Variants in KIF26B observed in about 807,000 individuals in gnomAD.
KIF26B encodes the protein kinesin-like protein KIF26B.
A neutral mutation model predicts 151.2 loss-of-function variants in KIF26B; 63 were observed. The ratio of observed to expected loss-of-function variants is 0.42; its 90% confidence interval spans 0.34 to 0.51. The LOEUF (loss-of-function observed/expected upper bound fraction) is 0.51, where lower values mean the gene tolerates loss of function less well. Among genes scored for constraint, KIF26B ranks in the 20% least tolerant of loss-of-function variants. The pLI, the probability that KIF26B is intolerant of heterozygous loss-of-function variation, is 0.07. For missense variants in KIF26B, 2,813 were observed against 2,913.6 expected (o/e 0.97, Z 0.79); for synonymous variants, 1,357 against 1,262.1 (o/e 1.08, Z -1.59).
intron 2 of KIF26B, among the ~76,000 whole-genome samples, chr1:245,282,662 G>T (rs74153169): frequency 6.6e-6 from 1 of 152,172 alleles, no homozygotes; most frequent in South Asian, 2.1e-4. Flanking sequence ...ATCAGACATC[G>T]CCTCCTCCAG....
At chr1:245,643,316 T>C (rs1314227746) in intron 9 of KIF26B, among the ~76,000 whole-genome samples, 1 of 152,226 alleles carries the variant, frequency 6.6e-6, no homozygotes, top group Non-Finnish European at 1.5e-5. Context: ...CTTTTGGATT[T>C]ATGAAACATT....
intron 5 of KIF26B, among the ~76,000 whole-genome samples, chr1:245,586,340 C>A (rs1292032576): frequency 6.6e-6 from 1 of 151,868 alleles, no homozygotes; most frequent in Non-Finnish European, 1.5e-5. Flanking sequence ...TCATAACACT[C>A]CAAATTGGAA....
rs146261085 is a variant in KIF26B, at chr1:245,655,036, T to C, written c.2258+8756T>C. Among the ~76,000 whole-genome samples the C allele has an allele frequency of 2.6e-3, 398 of 152,352 alleles. 1 individual carries two copies. Among genetic ancestry groups the C allele is most frequent in the African/African-American group, 9.0e-3 (375 of 41,586 alleles). Reference sequence around the variant, plus strand: ...TGGAATTTGTGAAGTTTCTTCAGACTGAGCTCCCAGAGAAGTATGTGTGGT... The same window carrying C: ...TGGAATTTGTGAAGTTTCTTCAGACCGAGCTCCCAGAGAAGTATGTGTGGT... On this transcript the variant is annotated intron_variant, in intron 10 of 14. Transcript: ENST00000407071.
intron 2 of KIF26B, among the ~76,000 whole-genome samples, chr1:245,356,979 A>C (rs1558401150): frequency 6.6e-6 from 1 of 152,230 alleles, no homozygotes; most frequent in Non-Finnish European, 1.5e-5. Flanking sequence ...TTTTCTGGGC[A>C]GGAGGAACAG....
chr1:245,424,711 T>C (rs1038898285), intron 4 of KIF26B, among the ~76,000 whole-genome samples: 1 of 152,212 alleles, frequency 6.6e-6, no homozygotes, highest in Non-Finnish European at 1.5e-5. Context: ...AATAATTTTC[T>C]GTCTGTTGAA....
intron 4 of KIF26B, among the ~76,000 whole-genome samples, chr1:245,487,105 G>T (rs563180809): frequency 2.0e-5 from 3 of 152,004 alleles, no homozygotes; most frequent in Admixed American, 6.6e-5. Context: ...AGAATGGGGG[G>T]GGTGGTTAGA....
At chr1:245,409,069 T>C (rs1167013922) in intron 3 of KIF26B, among the ~76,000 whole-genome samples, 7 of 152,192 alleles carry the variant, frequency 4.6e-5, no homozygotes, top group Admixed American at 2.0e-4. Flanking sequence ...TGTTTCATTA[T>C]ACACCCTGAC....
At position 245,167,540 on chromosome 1, in the gene KIF26B, T is replaced by C. The variant is rs150905923; in HGVS notation, c.465+10857T>C. ...TTCACACAAGAATGGGAGACTCACC[T>C]ATTAACTGATTAGAAGCCAGCAATA... On this transcript the variant is annotated intron_variant, in intron 2 of 14. Transcript: ENST00000407071. This position sits in a 1 kb window ranked among gnomAD's most constrained non-coding sequence, Gnocchi z 4.2. Among the ~76,000 whole-genome samples the C allele has an allele frequency of 0.03, 4,618 of 152,292 alleles. 106 individuals are homozygous for C. The highest frequency in any genetic ancestry group is 0.048 in the Middle Eastern group (14 of 294).
intron 2 of KIF26B, among the ~76,000 whole-genome samples, chr1:245,292,847 T>G (rs1037966946): frequency 1.3e-5 from 2 of 152,136 alleles, no homozygotes; most frequent in Non-Finnish European, 2.9e-5. Flanking sequence ...CAACACAGCT[T>G]CCTCCTAATG....
In KIF26B at chr1:245,564,361, C is replaced by A. The variant is rs1340977509; in HGVS notation, c.1350+23411C>A. ...ATGTTCTGGACTCTCTTCTACGACACGGAGACCTTTCCCGGAGCAGGAACG... is the reference window on the plus strand; with the variant it reads ...ATGTTCTGGACTCTCTTCTACGACAAGGAGACCTTTCCCGGAGCAGGAACG... On this transcript the variant is annotated intron_variant, in intron 5 of 14. Coordinates refer to ENST00000407071, the MANE Select transcript of KIF26B (RefSeq NM_018012.4). This position sits in a 1 kb window ranked among gnomAD's most constrained non-coding sequence, Gnocchi z 4.6. Among the ~76,000 whole-genome samples, 2 of 152,170 alleles carry A rather than the reference C, an allele frequency of 1.3e-5. No individual in the cohort carries two copies. The highest frequency in any genetic ancestry group is 2.9e-5 in the Non-Finnish European group (2 of 68,034).
intron 4 of KIF26B, among the ~76,000 whole-genome samples, chr1:245,494,660 A>G (rs1660476845): frequency 1.3e-5 from 2 of 152,242 alleles, no homozygotes; most frequent in East Asian, 3.8e-4. Flanking sequence ...ATTATCAGAC[A>G]TAAATTTCAA....
At chr1:245,459,389 TC>T (rs1327761845) in intron 4 of KIF26B, among the ~76,000 whole-genome samples, 1 of 152,200 alleles carries the variant, frequency 6.6e-6, no homozygotes, top group Non-Finnish European at 1.5e-5. Flanking sequence ...TCCTCTTCTA[TC>T]CCCACCCGAT....
Position 245,702,916 on chromosome 1 carries a change from A to T in KIF26B, c.*310A>T. 1 of 300,674 alleles carries T rather than the reference A, an allele frequency of 3.3e-6. No individual in the cohort carries two copies. The highest frequency in any genetic ancestry group is 6.1e-6 in the Non-Finnish European group (1 of 164,106). The allele number at this position is 300,674 out of a possible 1,614,324, so 18.6% of individuals were successfully genotyped here. On this transcript the variant is annotated 3_prime_UTR_variant, in exon 15 of 15. Coordinates refer to ENST00000407071, the MANE Select transcript of KIF26B (RefSeq NM_018012.4). The surrounding 1 kb of genome is among the most constrained non-coding windows in gnomAD (Gnocchi z 4.1). Reference sequence around the variant, plus strand: ...TACATAAGAACTGCTAGCAAAAGAGACCTCACTCTTCTCTTGCTTTCGTGA... The same window carrying T: ...TACATAAGAACTGCTAGCAAAAGAGTCCTCACTCTTCTCTTGCTTTCGTGA...
chr1:245,316,040 C>A (rs1163417892), intron 2 of KIF26B, among the ~76,000 whole-genome samples: 1 of 152,188 alleles, frequency 6.6e-6, no homozygotes, highest in Non-Finnish European at 1.5e-5. Context: ...GTGGGCCTAA[C>A]TAGACCACAG....
intron 2 of KIF26B, among the ~76,000 whole-genome samples, chr1:245,194,594 T>C (rs1477350669): frequency 1.5e-4 from 23 of 152,042 alleles, no homozygotes; most frequent in Admixed American, 1.4e-3. Context: ...CCCAGGCTGG[T>C]CTCGAACATC....
chr1:245,313,815 C>T (rs575107246), intron 2 of KIF26B, among the ~76,000 whole-genome samples: 4 of 152,220 alleles, frequency 2.6e-5, no homozygotes, highest in African/African-American at 9.6e-5. Flanking sequence ...TCATTAAATC[C>T]CCAATGACTC....
intron 2 of KIF26B, among the ~76,000 whole-genome samples, chr1:245,253,161 C>A (rs955161772): frequency 6.6e-6 from 1 of 151,848 alleles, no homozygotes; most frequent in Admixed American, 6.6e-5. Flanking sequence ...AGGCGCCCAC[C>A]ACCAAGCCCA....
chr1:245,196,949 A>G (rs1291630299), intron 2 of KIF26B, among the ~76,000 whole-genome samples: 1 of 152,212 alleles, frequency 6.6e-6, no homozygotes, highest in African/African-American at 2.4e-5. Context: ...AACAAAATAT[A>G]GCTCCTTCGG....
intron 4 of KIF26B, among the ~76,000 whole-genome samples, chr1:245,525,380 G>C (rs1282863268): frequency 1.3e-5 from 2 of 152,204 alleles, no homozygotes; most frequent in African/African-American, 4.8e-5. Context: ...GAACGACTCA[G>C]TGTTTGTTGT....
Sources: gnomAD v4.1 joint callset for allele counts (sites outside exome capture counted in the v4.1 genomes callset) on GRCh38, gnomAD v4.1.1 for gene constraint, Gnocchi (gnomAD v3.1) non-coding constraint, MANE v1.5 for transcripts, NCBI Gene and HGNC (gene_info 2026-07-23, HGNC 2026-07-21) for gene names.